The following CXCL13 variants were observed in gnomAD, a reference collection of about 807,000 sequenced individuals.
The protein encoded by CXCL13 is C-X-C motif chemokine ligand 13.
In CXCL13, 7 loss-of-function variants were observed where a neutral mutation model predicts 12.2. That is an observed-to-expected ratio of 0.57 (90% CI 0.33 to 1.07). The LOEUF (loss-of-function observed/expected upper bound fraction) is 1.07. CXCL13 is among the 50% of genes least tolerant of loss of function. The pLI is 0.04. For missense variants in CXCL13, 113 were observed against 127.4 expected (o/e 0.89, Z 0.55); for synonymous variants, 47 against 42.4 (o/e 1.11, Z -0.42).
chr4:77,576,800 G>A (rs1459409730), intron 1 of CXCL13, among the ~76,000 whole-genome samples: 4 of 152,236 alleles, frequency 2.6e-5, no homozygotes, highest in Admixed American at 2.0e-4. Flanking sequence ...AAATAATCAG[G>A]CCAAGTATAA....
chr4:77,596,800 A>G (rs970939446), intron 1 of CXCL13, among the ~76,000 whole-genome samples: 7 of 151,676 alleles, frequency 4.6e-5, no homozygotes, highest in East Asian at 1.9e-4. Flanking sequence ...AAAAAAAAAA[A>G]AAAGAAAAGA....
chr4:77,555,848 A>G (rs1248418282), intron 1 of CXCL13, among the ~76,000 whole-genome samples: 1 of 152,204 alleles, frequency 6.6e-6, no homozygotes, highest in Non-Finnish European at 1.5e-5. Flanking sequence ...AGAATGATCA[A>G]TATATGCATA....
At chr4:77,521,215 G>A (rs1724587155) in intron 1 of CXCL13, among the ~76,000 whole-genome samples, 1 of 152,190 alleles carries the variant, frequency 6.6e-6, no homozygotes. Flanking sequence ...TTGGTATCAG[G>A]ATGATGCTGG....
chr4:77,609,247 T>G (rs1449635265), intron 2 of CXCL13, among the ~76,000 whole-genome samples: 1 of 151,678 alleles, frequency 6.6e-6, no homozygotes, highest in Non-Finnish European at 1.5e-5. Context: ...CCTTGCTGTT[T>G]GTCTTTATTG....
chr4:77,541,055 T>C (rs994159964), intron 1 of CXCL13, among the ~76,000 whole-genome samples: 3 of 152,202 alleles, frequency 2.0e-5, no homozygotes, highest in African/African-American at 7.2e-5. Context: ...TATGTTGTCT[T>C]TTGAGAAGTG....
Position 77,566,194 on chromosome 4 carries a change from G to A in CXCL13, c.-42-39630G>A, listed in dbSNP as rs188588578. The stretch of plus-strand genomic sequence containing the variant: ...GTTGGTGAACAGACAAATTTCTTCC[G>A]TCCCGCTTCAGCAAATGGCCTTATG... On this transcript the variant is annotated intron_variant, in intron 1 of 4. Transcript: ENST00000286758. Among the ~76,000 whole-genome samples, 405 of 152,244 alleles carry A rather than the reference G, an allele frequency of 2.7e-3. 4 individuals carry two copies. Among genetic ancestry groups the A allele is most frequent in the Middle Eastern group, 0.01 (3 of 294 alleles).
Position 77,529,056 on chromosome 4 carries a change from T to A in CXCL13, c.-43+17268T>A, listed in dbSNP as rs1724841686. On this transcript the variant is annotated intron_variant, in intron 1 of 4. Transcript: ENST00000286758. The stretch of plus-strand genomic sequence containing the variant: ...AGGGAATCCTTTCCTCATTTCTTGT[T>A]TTTGTCAGGTTTGTCAAAGATCAGA... 3.3e-5 allele frequency among the ~76,000 whole-genome samples: 5 copies of A among 152,220 alleles called. No individual in the cohort carries two copies. The South Asian group carries it at 1.0e-3, about 32-fold the overall frequency.
chr4:77,534,691 C>T (rs1402592044), intron 1 of CXCL13, among the ~76,000 whole-genome samples: 1 of 152,196 alleles, frequency 6.6e-6, no homozygotes, highest in Non-Finnish European at 1.5e-5. Flanking sequence ...GGATCAATTT[C>T]AAACAGGTGA....
intron 1 of CXCL13, among the ~76,000 whole-genome samples, chr4:77,522,514 CTTTTTTTTTT>C (rs777857811): frequency 3.0e-4 from 3 of 10,092 alleles, no homozygotes; most frequent in Admixed American, 1.2e-3. Context: ...GCAACCCCTG[CTTTTTTTTTT>C]TTTTTTTTTT....
chr4:77,584,461 A>G (rs1366093963), intron 1 of CXCL13, among the ~76,000 whole-genome samples: 1 of 152,212 alleles, frequency 6.6e-6, no homozygotes, highest in Non-Finnish European at 1.5e-5. Flanking sequence ...ACAAAAAGTA[A>G]CACTCTTTCC....
At chr4:77,575,820 G>A (rs1372837433) in intron 1 of CXCL13, among the ~76,000 whole-genome samples, 1 of 151,768 alleles carries the variant, frequency 6.6e-6, no homozygotes, top group African/African-American at 2.4e-5. Flanking sequence ...TTGCCAAAAT[G>A]ATGTTCAATT....
At chr4:77,555,071 A>G (rs1012685571) in intron 1 of CXCL13, among the ~76,000 whole-genome samples, 1 of 152,006 alleles carries the variant, frequency 6.6e-6, no homozygotes, top group African/African-American at 2.4e-5. Context: ...AGAAGGTAAG[A>G]AATAAAAATA....
intron 2 of CXCL13, among the ~76,000 whole-genome samples, chr4:77,609,900 C>T (rs1727104086): frequency 6.6e-6 from 1 of 152,110 alleles, no homozygotes; most frequent in African/African-American, 2.4e-5. Flanking sequence ...ATTCACTGAG[C>T]CTAAGTTATC....
intron 1 of CXCL13, among the ~76,000 whole-genome samples, chr4:77,598,227 G>A (rs72861961): frequency 0.028 from 4,318 of 152,282 alleles, 188 homozygotes; most frequent in African/African-American, 0.097. Context: ...GAAGATTTGC[G>A]GAAGCCGTTG....
chr4:77,554,182 T>C (rs1725602026), intron 1 of CXCL13, among the ~76,000 whole-genome samples: 1 of 152,184 alleles, frequency 6.6e-6, no homozygotes, highest in African/African-American at 2.4e-5. Context: ...ATCAATTGTG[T>C]GCTCTATTTT....
intron 1 of CXCL13, among the ~76,000 whole-genome samples, chr4:77,559,865 T>C (rs1407445065): frequency 7.2e-6 from 1 of 139,652 alleles, no homozygotes; most frequent in Non-Finnish European, 1.5e-5. Context: ...GAGCTTGCAG[T>C]GAGCAGAGAT....
intron 1 of CXCL13, among the ~76,000 whole-genome samples, chr4:77,558,765 G>A (rs1161425612): frequency 6.6e-6 from 1 of 152,154 alleles, no homozygotes; most frequent in Non-Finnish European, 1.5e-5. Context: ...CTCAACAAAG[G>A]CCCTGACCCT....
intron 1 of CXCL13, among the ~76,000 whole-genome samples, chr4:77,544,293 C>A (rs1334824471): frequency 6.6e-6 from 1 of 152,158 alleles, no homozygotes; most frequent in African/African-American, 2.4e-5. Context: ...AATGGTATTT[C>A]TAGTTCTAGA....
chr4:77,532,029 G>A (rs995901859), intron 1 of CXCL13, among the ~76,000 whole-genome samples: 4 of 152,130 alleles, frequency 2.6e-5, no homozygotes, highest in African/African-American at 9.7e-5. Context: ...TTTAATTGGA[G>A]CATTTAGCCC....
Sources: allele counts gnomAD v4.1 joint callset (sites outside exome capture counted in the v4.1 genomes callset), GRCh38; gene constraint gnomAD v4.1.1; transcripts MANE v1.5; gene names NCBI Gene and HGNC (gene_info 2026-07-23, HGNC 2026-07-21).